The following MAL variants were observed in gnomAD, a reference collection of about 807,000 sequenced individuals.
MAL encodes myelin and lymphocyte protein.
Under a neutral mutation model 16.7 loss-of-function variants are expected in MAL, and 5 were observed. The ratio of observed to expected loss-of-function variants is 0.30; its 90% CI spans 0.16 to 0.63. The LOEUF is 0.63. MAL is among the 30% of genes least tolerant of loss of function. The pLI, the probability that MAL is intolerant of heterozygous loss-of-function variation, is 0.82. For synonymous variants in MAL, 96 were observed against 85.5 expected, an observed-to-expected ratio of 1.12 and a Z score of -0.67; for missense variants, 202 against 195.8, an observed-to-expected ratio of 1.03 and a Z score of -0.19.
intron 1 of MAL, among the ~76,000 whole-genome samples, chr2:95,033,155 C>T (rs538895723): frequency 3.3e-5 from 5 of 152,138 alleles, no homozygotes; most frequent in South Asian, 2.1e-4. Context: ...GGGAGGCCCA[C>T]GGGGGGCCCG....
At chr2:95,034,755 G>A (rs768543195) in intron 1 of MAL, among the ~76,000 whole-genome samples, 12 of 152,252 alleles carry the variant, frequency 7.9e-5, no homozygotes, top group Middle Eastern at 6.8e-3. Flanking sequence ...CTCCATCTGT[G>A]GTCAGGTTGG....
At chr2:95,027,166 C>T (rs552241119) in intron 1 of MAL, among the ~76,000 whole-genome samples, 1 of 152,306 alleles carries the variant, frequency 6.6e-6, no homozygotes, top group South Asian at 2.1e-4. Context: ...CCCCGCTGGC[C>T]TCCTTTTAGA....
Position 95,025,830 on chromosome 2 carries a change from C to G in MAL, c.38C>G (p.Pro13Arg). The change falls in exon 1 of 4, where the codon CCC (proline) becomes CGC (arginine). Residue 13 changes from proline to arginine, a missense_variant. By Grantham distance (103) the Pro-to-Arg change is moderately radical (BLOSUM62 -2). Transcript: ENST00000309988. This position sits in a 1 kb window ranked among gnomAD's most constrained non-coding sequence, Gnocchi z 5.6. ...GCGGCGACGGGGGGCAGCACCCTGC[C>G]CAGTGGCTTCTCGGTCTTCACCACC... ...PAAATGGSTLPSGFSVFTTLP... is the reference protein window; with the variant it reads ...PAAATGGSTLRSGFSVFTTLP... 2 of 1,577,892 alleles carry G rather than the reference C, an allele frequency of 1.3e-6. No homozygotes were observed. Among genetic ancestry groups the G allele is most frequent in the East Asian group, 2.4e-5 (1 of 42,170 alleles).
At chr2:95,037,875 A>ACT in intron 1 of MAL, among the ~76,000 whole-genome samples, 1 of 151,176 alleles carries the variant, frequency 6.6e-6, no homozygotes, top group Non-Finnish European at 1.5e-5. Flanking sequence ...TGAGTGAGTG[A>ACT]GAGACTGAGT....
intron 1 of MAL, among the ~76,000 whole-genome samples, chr2:95,042,230 G>A (rs1674484348): frequency 6.6e-6 from 1 of 152,228 alleles, no homozygotes; most frequent in Admixed American, 6.5e-5. Flanking sequence ...TCGCTGGAAG[G>A]CAGGCAGGGC....
At chr2:95,028,926 G>A (rs1321199647) in intron 1 of MAL, among the ~76,000 whole-genome samples, 1 of 152,152 alleles carries the variant, frequency 6.6e-6, no homozygotes, top group Non-Finnish European at 1.5e-5. Flanking sequence ...TCGCTATGTG[G>A]TTTCTTTTTG....
At chr2:95,035,664 T>C (rs1293773862) in intron 1 of MAL, among the ~76,000 whole-genome samples, 1 of 150,408 alleles carries the variant, frequency 6.6e-6, no homozygotes, top group East Asian at 1.9e-4. Context: ...ACTCAGCTCT[T>C]AGATTTTTTT....
intron 1 of MAL, among the ~76,000 whole-genome samples, 162 bp from the exon 2 acceptor site, chr2:95,047,797 G>T (rs1674624138): frequency 6.6e-6 from 1 of 152,188 alleles, no homozygotes. Flanking sequence ...GCCCTGGGGG[G>T]ACTAAAGATG....
At chr2:95,045,674 G>C (rs1188794427) in intron 1 of MAL, among the ~76,000 whole-genome samples, 2 of 152,162 alleles carry the variant, frequency 1.3e-5, no homozygotes, top group Non-Finnish European at 2.9e-5. Context: ...CTTAGGAGAG[G>C]GGTTCCCAGG....
chr2:95,044,885 A>T (rs1034817317), intron 1 of MAL, among the ~76,000 whole-genome samples: 1 of 152,196 alleles, frequency 6.6e-6, no homozygotes, highest in Non-Finnish European at 1.5e-5. Flanking sequence ...TTTTCCTGCC[A>T]TTGATTCCTC....
intron 3 of MAL, among the ~76,000 whole-genome samples, chr2:95,052,513 C>A (rs1674741987): frequency 6.6e-6 from 1 of 152,170 alleles, no homozygotes; most frequent in Non-Finnish European, 1.5e-5. Context: ...GAGCAGGCAC[C>A]CTGAGGGCTG....
chr2:95,043,677 G>A (rs917204193), intron 1 of MAL, among the ~76,000 whole-genome samples: 5 of 152,308 alleles, frequency 3.3e-5, no homozygotes, highest in South Asian at 2.1e-4. Flanking sequence ...ACACCTAGCC[G>A]GGAATGAAAT....
Position 95,025,775 on chromosome 2 carries a change from C to G in MAL, c.-18C>G. Reference sequence around the variant, plus strand: ...AGCGGCGCTCGTCCCGTCCCAAGGCCGACGCCAGCACGCCGTCATGGCCCC... The same window carrying G: ...AGCGGCGCTCGTCCCGTCCCAAGGCGGACGCCAGCACGCCGTCATGGCCCC... On this transcript the variant is annotated 5_prime_UTR_variant, in exon 1 of 4. Coordinates refer to ENST00000309988, the MANE Select transcript of MAL (RefSeq NM_002371.4). This position sits in a 1 kb window ranked among gnomAD's most constrained non-coding sequence, Gnocchi z 5.6. 6.6e-7 allele frequency: 1 copy of G among 1,519,474 alleles called. No homozygotes were observed. Among genetic ancestry groups the G allele is most frequent in the South Asian group, 1.3e-5 (1 of 79,660 alleles). The allele number at this position is 1,519,474 out of a possible 1,614,324, so 94.1% of individuals were successfully genotyped here.
At chr2:95,032,673 A>T (rs1342421244) in intron 1 of MAL, among the ~76,000 whole-genome samples, 5 of 152,184 alleles carry the variant, frequency 3.3e-5, no homozygotes, top group Non-Finnish European at 7.3e-5. Context: ...AGCATGGAGC[A>T]GGTCCCTCGT....
intron 3 of MAL, among the ~76,000 whole-genome samples, chr2:95,052,864 G>A (rs1674748977): frequency 6.6e-6 from 1 of 152,150 alleles, no homozygotes; most frequent in Non-Finnish European, 1.5e-5. Context: ...CCACACCTGT[G>A]ATATTAAGAA....
intron 1 of MAL, among the ~76,000 whole-genome samples, chr2:95,037,672 GTGAC>G (rs1287481977): frequency 3.3e-5 from 5 of 150,480 alleles, no homozygotes; most frequent in Non-Finnish European, 7.4e-5. Flanking sequence ...GACTGACTGA[GTGAC>G]TGAGTGAGTG....
intron 1 of MAL, among the ~76,000 whole-genome samples, chr2:95,045,369 G>T (rs981675455): frequency 1.3e-5 from 2 of 152,204 alleles, no homozygotes; most frequent in Non-Finnish European, 2.9e-5. Flanking sequence ...AGTGGCTCTA[G>T]TTCAGCCACA....
At chr2:95,034,324 G>A (rs1674155815) in intron 1 of MAL, among the ~76,000 whole-genome samples, 1 of 152,164 alleles carries the variant, frequency 6.6e-6, no homozygotes, top group Non-Finnish European at 1.5e-5. Flanking sequence ...GCCAAGGGGT[G>A]GAGGACAGTG....
intron 1 of MAL, among the ~76,000 whole-genome samples, chr2:95,036,237 C>G (rs562276910): frequency 6.6e-6 from 1 of 152,284 alleles, no homozygotes; most frequent in African/African-American, 2.4e-5. Flanking sequence ...GGGTCAGACT[C>G]CCAATAATCT....
Sources: gnomAD v4.1 joint callset for allele counts (sites outside exome capture counted in the v4.1 genomes callset) on GRCh38, gnomAD v4.1.1 for gene constraint, Gnocchi (gnomAD v3.1) non-coding constraint, MANE v1.5 for transcripts, NCBI Gene and HGNC (gene_info 2026-07-23, HGNC 2026-07-21) for gene names.